ZNF385B: variants seen among roughly 807,000 people sequenced by gnomAD.
ZNF385B encodes the protein zinc finger protein 533.
ZNF385B carries 23 observed loss-of-function variants against 39.2 expected under a neutral mutation model. The observed-to-expected ratio is 0.59, with a 90% CI of 0.42 to 0.83. ZNF385B has a LOEUF of 0.83. Ranked by LOEUF, ZNF385B falls within the 40% of genes least tolerant of loss-of-function variation. The probability of loss-of-function intolerance (pLI) is 0.00; values close to 1 mark genes in which losing one functional copy is unlikely to be tolerated. For synonymous variants in ZNF385B, 205 were observed against 222.6 expected (o/e 0.92, Z 0.70); for missense variants, 552 against 598.9 (o/e 0.92, Z 0.82).
chr2:179,511,181 C>CA (rs1342241439), intron 5 of ZNF385B, among the ~76,000 whole-genome samples: 1 of 152,098 alleles, frequency 6.6e-6, no homozygotes, highest in Non-Finnish European at 1.5e-5. Flanking sequence ...AAGGAAGATG[C>CA]AAAATCAGCC....
At chr2:179,510,783 A>T (rs2057620410) in intron 5 of ZNF385B, among the ~76,000 whole-genome samples, 1 of 152,150 alleles carries the variant, frequency 6.6e-6, no homozygotes. Flanking sequence ...GAGTTGGAGG[A>T]GAGAGAGAAG....
At chr2:179,445,934 CAT>C (rs1332439760) in intron 7 of ZNF385B, among the ~76,000 whole-genome samples, 1 of 151,654 alleles carries the variant, frequency 6.6e-6, no homozygotes, top group Non-Finnish European at 1.5e-5. Context: ...TATACAGAAA[CAT>C]AAGGAAATAA....
Position 179,769,497 on chromosome 2 carries a change from T to G in ZNF385B, c.298+6A>C. The G allele has an allele frequency of 6.2e-7, 1 of 1,613,306 alleles. No individual in the cohort carries two copies. Among genetic ancestry groups the G allele is most frequent in the Non-Finnish European group, 8.5e-7 (1 of 1,179,794 alleles). ...AGCACATGGAACCCGGGACCCTGCCTCCTACCTGTGCTGCTGTTGCTGCTG... is the reference window on the plus strand; with the variant it reads ...AGCACATGGAACCCGGGACCCTGCCGCCTACCTGTGCTGCTGTTGCTGCTG... On this transcript the variant is annotated splice_donor_region_variant and intron_variant, in intron 3 of 9. Coordinates refer to ENST00000410066, the MANE Select transcript of ZNF385B (RefSeq NM_152520.6).
At position 179,595,316 on chromosome 2, in the gene ZNF385B, C is replaced by T. The variant is rs537857817; in HGVS notation, c.299-50347G>A. Among the ~76,000 whole-genome samples, 21 of 152,272 alleles carry T rather than the reference C, an allele frequency of 1.4e-4. No individual in the cohort carries two copies. In the South Asian group the frequency reaches 4.3e-3, roughly 32 times the overall value. On this transcript the variant is annotated intron_variant, in intron 3 of 9. Coordinates refer to ENST00000410066, the MANE Select transcript of ZNF385B (RefSeq NM_152520.6). ...AATCATTATGTCCCTGTGGGAGATA[C>T]TTATGGATTATTCAACAACTATGCC...
intron 3 of ZNF385B, among the ~76,000 whole-genome samples, chr2:179,690,222 A>AAG (rs940279283): frequency 6.6e-6 from 1 of 152,188 alleles, no homozygotes; most frequent in African/African-American, 2.4e-5. Flanking sequence ...GGGGAAAAAA[A>AAG]AGAGAGAGAA....
chr2:179,586,287 C>A (rs771153636), intron 3 of ZNF385B, among the ~76,000 whole-genome samples: 1 of 152,182 alleles, frequency 6.6e-6, no homozygotes, highest in Non-Finnish European at 1.5e-5. Flanking sequence ...GTAACAGTCT[C>A]GAAACCACTT....
At chr2:179,583,718 A>G (rs1206884302) in intron 3 of ZNF385B, among the ~76,000 whole-genome samples, 6 of 152,232 alleles carry the variant, frequency 3.9e-5, no homozygotes, top group African/African-American at 1.4e-4. Context: ...ACAGGTAAAT[A>G]TCTAAATAAA....
chr2:179,782,447 C>T lies in ZNF385B; in HGVS notation c.-154-11775G>A, dbSNP rs11681080. 7.7e-3 allele frequency among the ~76,000 whole-genome samples: 1,166 copies of T among 152,216 alleles called. 6 individuals are homozygous for T. The highest frequency in any genetic ancestry group is 0.01 in the Non-Finnish European group (710 of 68,018). On this transcript the variant is annotated intron_variant, in intron 1 of 9. Transcript: ENST00000410066. Reference sequence around the variant, plus strand: ...ACAAGACAAGGATGCCCTCTCTCACCGTTTCTATTCAACATAGTATTGGAA... The same window carrying T: ...ACAAGACAAGGATGCCCTCTCTCACTGTTTCTATTCAACATAGTATTGGAA...
chr2:179,836,134 C>T (rs1312158323), intron 1 of ZNF385B, among the ~76,000 whole-genome samples: 2 of 152,192 alleles, frequency 1.3e-5, no homozygotes, highest in African/African-American at 2.4e-5. Flanking sequence ...ATTCCACTTA[C>T]GTGAGGTTTC....
At chr2:179,825,178 T>G (rs1166944375) in intron 1 of ZNF385B, among the ~76,000 whole-genome samples, 1 of 152,176 alleles carries the variant, frequency 6.6e-6, no homozygotes, top group African/African-American at 2.4e-5. Context: ...AACACTGAAC[T>G]GACTTGAATG....
At chr2:179,671,058 A>G (rs965482961) in intron 3 of ZNF385B, among the ~76,000 whole-genome samples, 2 of 152,242 alleles carry the variant, frequency 1.3e-5, no homozygotes, top group East Asian at 3.8e-4. Context: ...AGCACTTGCA[A>G]CAGTGACTGG....
chr2:179,846,816 G>T (rs1412693650), intron 1 of ZNF385B, among the ~76,000 whole-genome samples: 1 of 152,242 alleles, frequency 6.6e-6, no homozygotes, highest in Non-Finnish European at 1.5e-5. Flanking sequence ...TCCTGGTGCT[G>T]CTGGTCCGTG....
intron 1 of ZNF385B, among the ~76,000 whole-genome samples, chr2:179,837,431 G>A (rs1708313429): frequency 6.6e-6 from 1 of 152,164 alleles, no homozygotes; most frequent in Non-Finnish European, 1.5e-5. Flanking sequence ...ATTATTGTTA[G>A]TTAGTATTTA....
chr2:179,522,126 G>C (rs942945067), intron 4 of ZNF385B, among the ~76,000 whole-genome samples: 2 of 152,152 alleles, frequency 1.3e-5, no homozygotes, highest in African/African-American at 4.8e-5. Flanking sequence ...ACACTGTCAA[G>C]CTAATGTTTT....
At chr2:179,760,464 T>C (rs1013744484) in intron 3 of ZNF385B, among the ~76,000 whole-genome samples, 2 of 152,178 alleles carry the variant, frequency 1.3e-5, no homozygotes, top group Non-Finnish European at 2.9e-5. Flanking sequence ...TTCCACTCAG[T>C]ATAATTCCCT....
chr2:179,813,487 A>G (rs1706863696), intron 1 of ZNF385B, among the ~76,000 whole-genome samples: 1 of 152,240 alleles, frequency 6.6e-6, no homozygotes. Flanking sequence ...CAACATTAAT[A>G]TGATAAATCA....
chr2:179,756,647 G>T (rs1703042333), intron 3 of ZNF385B, among the ~76,000 whole-genome samples: 1 of 151,934 alleles, frequency 6.6e-6, no homozygotes, highest in South Asian at 2.1e-4. Flanking sequence ...TTTTCACCTA[G>T]TCCCATATAC....
intron 3 of ZNF385B, among the ~76,000 whole-genome samples, chr2:179,668,792 A>G (rs1695523563): frequency 6.6e-6 from 1 of 152,166 alleles, no homozygotes; most frequent in Non-Finnish European, 1.5e-5. Flanking sequence ...TTAATTCTAA[A>G]GATTTATTAA....
At chr2:179,736,620 A>G (rs1010455905) in intron 3 of ZNF385B, among the ~76,000 whole-genome samples, 5 of 152,214 alleles carry the variant, frequency 3.3e-5, no homozygotes, top group Non-Finnish European at 5.9e-5. Context: ...TGAGCTTTTA[A>G]TCATCATTCC....
Sources: allele counts gnomAD v4.1 joint callset (sites outside exome capture counted in the v4.1 genomes callset), GRCh38; gene constraint gnomAD v4.1.1; transcripts MANE v1.5; gene names NCBI Gene and HGNC (gene_info 2026-07-23, HGNC 2026-07-21).